TENT4B: variants seen among roughly 807,000 people sequenced by gnomAD.
The protein encoded by TENT4B is PAP associated domain containing 5.
In TENT4B, 10 loss-of-function variants were observed where a neutral mutation model predicts 75.0. The observed-to-expected ratio is 0.13, with a 90% confidence interval of 0.08 to 0.23. The LOEUF (loss-of-function observed/expected upper bound fraction) is 0.23. TENT4B is among the 10% of genes least tolerant of loss of function. The pLI is 1.00. For synonymous variants in TENT4B, 350 were observed against 357.7 expected (o/e 0.98, Z 0.24); for missense variants, 579 against 893.8 (o/e 0.65, Z 4.49).
chr16:50,156,345 ATTTTTT>A (rs11346495), intron 1 of TENT4B, among the ~76,000 whole-genome samples: 1 of 141,432 alleles, frequency 7.1e-6, no homozygotes, highest in Non-Finnish European at 1.6e-5. Flanking sequence ...ATGTATTCTG[ATTTTTT>A]TTTTTTTTTT....
At chr16:50,181,265 CAG>C (rs921886380) in intron 1 of TENT4B, among the ~76,000 whole-genome samples, 2 of 151,692 alleles carry the variant, frequency 1.3e-5, no homozygotes, top group Non-Finnish European at 2.9e-5. Context: ...AATGTGGAGA[CAG>C]TGTGCCTTGA....
chr16:50,207,357 T>C (rs2031040002), intron 1 of TENT4B, among the ~76,000 whole-genome samples: 1 of 152,044 alleles, frequency 6.6e-6, no homozygotes, highest in South Asian at 2.1e-4. Flanking sequence ...AATTTTTTTG[T>C]ATTTTTGTAG....
Position 50,214,247 on chromosome 16 carries a change from T to C in TENT4B, c.789T>C (p.Thr263=). 3 of 1,590,562 alleles carry C rather than the reference T, an allele frequency of 1.9e-6. No homozygotes were observed. In the African/African-American group the frequency reaches 4.0e-5, roughly 21 times the overall value. ...ADVQIFGSFK[T]GLYLPTSDID... The stretch of plus-strand genomic sequence containing the variant: ...TCCAGATATTTGGAAGTTTTAAAAC[T>C]GGACTTTATTTACCTACTAGGTTAG... Residue 263 remains threonine (T), a synonymous_variant, in exon 3 of 12, where the codon ACT becomes ACC. Transcript: ENST00000561678.
At chr16:50,228,656 C>G (rs967359066) in intron 11 of TENT4B, among the ~76,000 whole-genome samples, 2 of 152,306 alleles carry the variant, frequency 1.3e-5, no homozygotes, top group African/African-American at 4.8e-5. Context: ...TTCACTTTAC[C>G]TACGCGGCCT....
intron 1 of TENT4B, among the ~76,000 whole-genome samples, chr16:50,174,273 T>C (rs1353217493): frequency 1.3e-5 from 2 of 151,984 alleles, no homozygotes; most frequent in African/African-American, 2.4e-5. Flanking sequence ...AATTTTTGTA[T>C]TTATAGTAGG....
chr16:50,197,298 T>G (rs75146758), intron 1 of TENT4B, among the ~76,000 whole-genome samples: 5,690 of 152,118 alleles, frequency 0.037, 144 homozygotes, highest in Non-Finnish European at 0.06. Flanking sequence ...TAAATTTAAG[T>G]TTTTTTTGGA....
At chr16:50,178,841 A>G (rs1166966136) in intron 1 of TENT4B, among the ~76,000 whole-genome samples, 1 of 152,144 alleles carries the variant, frequency 6.6e-6, no homozygotes, top group Admixed American at 6.6e-5. Flanking sequence ...TTTAATGGGT[A>G]CAGAGTTTCA....
chr16:50,164,831 C>T (rs1383258109), intron 1 of TENT4B, among the ~76,000 whole-genome samples: 2 of 151,698 alleles, frequency 1.3e-5, no homozygotes, highest in Non-Finnish European at 2.9e-5. Context: ...GCAGGTGGAT[C>T]GCTTGAGTCC....
In TENT4B at chr16:50,234,076, G is replaced by C. The variant is rs1426395329; in HGVS notation, c.*4748G>C. On this transcript the variant is annotated 3_prime_UTR_variant, in exon 12 of 12. Coordinates refer to ENST00000561678, the MANE Select transcript of TENT4B (RefSeq NM_001365324.3). ...GGAAGGTCTCTCCTAAGGACAGTCT[G>C]GACGTATTTTGGGGGAATGTTATTT... is the stretch of plus-strand genomic sequence containing the variant. 1.0e-6 allele frequency: 1 copy of C among 985,446 alleles called. No individual in the cohort carries two copies. The highest frequency in any genetic ancestry group is 1.7e-5 in the African/African-American group (1 of 57,348). The allele number at this position is 985,446 out of a possible 1,614,324, so 61.0% of individuals were successfully genotyped here.
chr16:50,182,018 C>G (rs1164037310), intron 1 of TENT4B, among the ~76,000 whole-genome samples: 1 of 152,132 alleles, frequency 6.6e-6, no homozygotes, highest in Non-Finnish European at 1.5e-5. Flanking sequence ...AATCTCAGCC[C>G]TTTAGTAGGA....
At chr16:50,155,801 A>G (rs2037887132) in intron 1 of TENT4B, among the ~76,000 whole-genome samples, 1 of 152,164 alleles carries the variant, frequency 6.6e-6, no homozygotes, top group African/African-American at 2.4e-5. Flanking sequence ...AAGCAAATTG[A>G]TGTTGAGGGT....
At chr16:50,201,145 C>T (rs980537803) in intron 1 of TENT4B, among the ~76,000 whole-genome samples, 4 of 152,160 alleles carry the variant, frequency 2.6e-5, no homozygotes, top group Admixed American at 6.5e-5. Context: ...TATAGGACCT[C>T]ATAAAAGTCA....
At chr16:50,167,241 A>T (rs2038118375) in intron 1 of TENT4B, among the ~76,000 whole-genome samples, 2 of 152,202 alleles carry the variant, frequency 1.3e-5, no homozygotes, top group Non-Finnish European at 2.9e-5. Flanking sequence ...AAAACATCTC[A>T]TAATGTTTTA....
intron 6 of TENT4B, 66 bp from the exon 7 acceptor site, chr16:50,223,108 A>G (rs2031902001): frequency 1.6e-6 from 2 of 1,288,888 alleles, no homozygotes; most frequent in Admixed American, 2.2e-5. Context: ...TTAGAATATA[A>G]TTTATTCCCC....
Position 50,229,585 on chromosome 16 carries a change from G to T in TENT4B, c.*257G>T. On this transcript the variant is annotated 3_prime_UTR_variant, in exon 12 of 12. Coordinates refer to ENST00000561678, the MANE Select transcript of TENT4B (RefSeq NM_001365324.3). ...ATTTGATAAGTCATATGCTACAACA[G>T]GGTCATTTTAAGATTTAAAGCTTGA... 8.4e-7 allele frequency: 1 copy of T among 1,189,470 alleles called. No individual in the cohort carries two copies. Among genetic ancestry groups the T allele is most frequent in the Admixed American group, 4.6e-5 (1 of 21,798 alleles). 73.7% of individuals were successfully genotyped at this position (1,189,470 alleles called of 1,614,324 possible). A position where few individuals can be genotyped will look rare whatever the true frequency, so the allele number is the denominator to read the frequency against.
chr16:50,179,369 A>C (rs1318810513), intron 1 of TENT4B, among the ~76,000 whole-genome samples: 2 of 152,100 alleles, frequency 1.3e-5, no homozygotes, highest in East Asian at 1.9e-4. Context: ...CTCAAAAGAA[A>C]ATTTTTTTTT....
rs750141276 is a variant in TENT4B at position 50,153,786 on chromosome 16, C to T, written c.165C>T (p.Ser55=). The T allele has an allele frequency of 5.1e-6, 6 of 1,184,356 alleles. No individual in the cohort carries two copies. In the East Asian group the frequency reaches 2.4e-4, roughly 47 times the overall value. The allele number at this position is 1,184,356 out of a possible 1,614,324, so 73.4% of individuals were successfully genotyped here. The change falls in exon 1 of 12, where the codon AGC becomes AGT. Residue 55 remains serine, a synonymous_variant. Coordinates refer to ENST00000561678, the MANE Select transcript of TENT4B (RefSeq NM_001365324.3). ...ASGGGGSSSS[S]STATGGSGSS... is the part of the protein sequence containing the mutation. ...GCGGCGGCGGCAGCAGCAGCAGCAG[C>T]AGCACGGCCACCGGCGGGAGCGGCA...
At chr16:50,210,289 A>G (rs566422984) in intron 1 of TENT4B, among the ~76,000 whole-genome samples, 2 of 152,266 alleles carry the variant, frequency 1.3e-5, no homozygotes, top group African/African-American at 2.4e-5. Context: ...CGTCCTGACT[A>G]TGTTCAAGTC....
chr16:50,159,031 A>G (rs553495060), intron 1 of TENT4B, among the ~76,000 whole-genome samples: 1 of 152,274 alleles, frequency 6.6e-6, no homozygotes, highest in East Asian at 1.9e-4. Context: ...TGGACCTGCT[A>G]GTGGGGAGCT....
Sources: allele counts gnomAD v4.1 joint callset (sites outside exome capture counted in the v4.1 genomes callset), GRCh38; gene constraint gnomAD v4.1.1; transcripts MANE v1.5; gene names NCBI Gene and HGNC (gene_info 2026-07-23, HGNC 2026-07-21).